LAMA2: variants seen among roughly 807,000 people sequenced by gnomAD.
LAMA2 encodes the protein laminin subunit alpha-2.
Under a neutral mutation model 364.8 loss-of-function variants are expected in LAMA2, and 269 were observed. That is an observed-to-expected ratio of 0.74 (90% CI 0.67 to 0.82). The LOEUF is 0.82. LAMA2 is among the 40% of genes least tolerant of loss of function. LAMA2 has a pLI of 0.00. For missense variants in LAMA2, 3,807 were observed against 3,873.2 expected, an observed-to-expected ratio of 0.98 and a Z score of 0.45; for synonymous variants, 1,379 against 1,370.6, an observed-to-expected ratio of 1.01 and a Z score of -0.14.
chr6:129,079,206 AAGAG>A (rs925014959), intron 3 of LAMA2, among the ~76,000 whole-genome samples: 4 of 152,048 alleles, frequency 2.6e-5, no homozygotes, highest in African/African-American at 9.7e-5. Flanking sequence ...AAAACATTTT[AAGAG>A]AGAGAGAGGG....
chr6:128,984,179 A>G (rs1371979323), intron 1 of LAMA2, among the ~76,000 whole-genome samples: 4 of 152,030 alleles, frequency 2.6e-5, no homozygotes, highest in African/African-American at 7.2e-5. Flanking sequence ...CATGCTCCAT[A>G]GATCATTTAG....
intron 18 of LAMA2, among the ~76,000 whole-genome samples, chr6:129,281,338 CCT>C (rs1193782250): frequency 6.6e-6 from 1 of 152,104 alleles, no homozygotes; most frequent in African/African-American, 2.4e-5. Context: ...CTACAGGCAA[CCT>C]TTTTTTAGCA....
At chr6:129,292,755 T>C (rs1789802161) in intron 20 of LAMA2, 2 of 962,232 alleles carry the variant, frequency 2.1e-6, no homozygotes, top group East Asian at 1.2e-4. Context: ...TTGAATAATA[T>C]CATTGCTCTG....
rs138585792 is a variant in LAMA2, at chr6:129,448,956, T to C, written c.6429+3135T>C. Among the ~76,000 whole-genome samples, 906 of 152,346 alleles carry C rather than the reference T, an allele frequency of 5.9e-3. 13 individuals carry two copies. Among genetic ancestry groups the C allele is most frequent in the African/African-American group, 0.021 (856 of 41,590 alleles). On this transcript the variant is annotated intron_variant, in intron 45 of 64. Transcript: ENST00000421865. ...CCTGATTTCTTCTAGAGATATAGTATTTTGATTTACCTGATTTCTTCTAGA... is the reference window on the plus strand; with the variant it reads ...CCTGATTTCTTCTAGAGATATAGTACTTTGATTTACCTGATTTCTTCTAGA...
chr6:128,954,564 G>A (rs989063549), intron 1 of LAMA2, among the ~76,000 whole-genome samples: 2 of 151,960 alleles, frequency 1.3e-5, no homozygotes, highest in African/African-American at 4.8e-5. Flanking sequence ...TTGTTTTTAT[G>A]TGGGTGTGGC....
At chr6:129,495,506 T>G (rs1785117507) in intron 58 of LAMA2, among the ~76,000 whole-genome samples, 1 of 152,194 alleles carries the variant, frequency 6.6e-6, no homozygotes, top group Non-Finnish European at 1.5e-5. Flanking sequence ...CACCTAAGAA[T>G]GTTTTAATGT....
At chr6:129,451,750 C>A (rs1056997179) in intron 45 of LAMA2, among the ~76,000 whole-genome samples, 2 of 152,172 alleles carry the variant, frequency 1.3e-5, no homozygotes, top group Non-Finnish European at 2.9e-5. Context: ...GGCACCCAAC[C>A]TTTGCAGTAT....
chr6:129,270,494 T>C, intron 16 of LAMA2, 130 bp from the exon 17 acceptor site: 1 of 856,798 alleles, frequency 1.2e-6, no homozygotes, highest in Non-Finnish European at 1.9e-6. Context: ...TGCTGTAAAA[T>C]TGACCATTTA....
intron 9 of LAMA2, among the ~76,000 whole-genome samples, chr6:129,168,920 T>C (rs1195643517): frequency 6.6e-6 from 1 of 151,536 alleles, no homozygotes; most frequent in East Asian, 1.9e-4. Context: ...TTATTCTCTT[T>C]GAAGCAATTG....
chr6:128,985,281 C>G (rs1329868976), intron 1 of LAMA2, among the ~76,000 whole-genome samples: 1 of 152,116 alleles, frequency 6.6e-6, no homozygotes, highest in Non-Finnish European at 1.5e-5. Flanking sequence ...AGTGCTGTTA[C>G]TAGCCTGAAC....
chr6:129,177,637 A>G, intron 9 of LAMA2, 69 bp from the exon 10 acceptor site: 2 of 1,499,222 alleles, frequency 1.3e-6, no homozygotes, highest in Non-Finnish European at 1.9e-6. Context: ...GGTTACTGTC[A>G]TTAAAACTTT....
chr6:129,315,375 T>C (rs757354149), intron 24 of LAMA2, 101 bp from the exon 25 acceptor site: 5 of 965,018 alleles, frequency 5.2e-6, no homozygotes, highest in African/African-American at 4.9e-5. Context: ...ATCATCAGAA[T>C]GGGTATAGGA....
intron 41 of LAMA2, among the ~76,000 whole-genome samples, chr6:129,431,321 C>T (rs1047601452): frequency 2.6e-5 from 4 of 151,340 alleles, no homozygotes; most frequent in Admixed American, 6.6e-5. Context: ...ATTGCTGGAA[C>T]CCAGGATACG....
chr6:129,090,488 A>G (rs1262037350), intron 3 of LAMA2, among the ~76,000 whole-genome samples: 1 of 152,210 alleles, frequency 6.6e-6, no homozygotes, highest in African/African-American at 2.4e-5. Flanking sequence ...CAGTTGAATC[A>G]GGATTCACAA....
chr6:128,916,080 G>GCTGTGC (rs1250941385), intron 1 of LAMA2, among the ~76,000 whole-genome samples: 1 of 152,016 alleles, frequency 6.6e-6, no homozygotes, highest in African/African-American at 2.4e-5. Flanking sequence ...TTATCTAACT[G>GCTGTGC]CTGTGCTGTT....
intron 6 of LAMA2, among the ~76,000 whole-genome samples, chr6:129,147,546 T>C (rs1341565039): frequency 3.3e-5 from 5 of 151,922 alleles, no homozygotes; most frequent in African/African-American, 1.2e-4. Context: ...GTACTGATAG[T>C]GGCAAGCCGG....
At chr6:129,096,171 A>AACTG (rs1261831053) in intron 3 of LAMA2, among the ~76,000 whole-genome samples, 1 of 152,208 alleles carries the variant, frequency 6.6e-6, no homozygotes, top group Non-Finnish European at 1.5e-5. Flanking sequence ...GTTCAATATG[A>AACTG]ACTGTCTAAA....
At chr6:128,976,284 GA>G (rs1412707079) in intron 1 of LAMA2, among the ~76,000 whole-genome samples, 1 of 152,188 alleles carries the variant, frequency 6.6e-6, no homozygotes, top group Admixed American at 6.5e-5. Context: ...GAGGAAACAA[GA>G]ATCCCCACTT....
intron 12 of LAMA2, among the ~76,000 whole-genome samples, chr6:129,238,398 A>G (rs922564677): frequency 6.6e-5 from 10 of 152,308 alleles, no homozygotes; most frequent in South Asian, 2.1e-4. Flanking sequence ...AGGTATTTTC[A>G]TGCCCTTTTA....
Sources: gnomAD v4.1 joint callset for allele counts (sites outside exome capture counted in the v4.1 genomes callset) on GRCh38, gnomAD v4.1.1 for gene constraint, MANE v1.5 for transcripts, NCBI Gene and HGNC (gene_info 2026-07-23, HGNC 2026-07-21) for gene names.